Variants in ZNF254 observed in about 807,000 individuals in gnomAD.
ZNF254 encodes zinc finger protein 254.
A neutral mutation model predicts 12.4 loss-of-function variants in ZNF254; 10 were observed. That is an observed-to-expected ratio of 0.80 (90% CI 0.50 to 1.36). ZNF254 has a LOEUF of 1.36. Ranked by LOEUF, ZNF254 falls within the 40% of genes most tolerant of loss-of-function variation. ZNF254 has a pLI of 0.00. For synonymous variants in ZNF254, 305 were observed against 253.4 expected (o/e 1.20, Z -1.93); for missense variants, 996 against 763.9 (o/e 1.30, Z -3.58).
chr19:24,055,960 T>A, intron 2 of ZNF254, among the ~76,000 whole-genome samples: 1 of 152,190 alleles, frequency 6.6e-6, no homozygotes. Flanking sequence ...CAGGTTTAAT[T>A]GTAACATTTT....
chr19:24,069,737 G>A (rs776236264), intron 2 of ZNF254, among the ~76,000 whole-genome samples: 1 of 152,000 alleles, frequency 6.6e-6, no homozygotes, highest in African/African-American at 2.4e-5. Context: ...CGGATCACAA[G>A]GTTAGGAGAT....
chr19:24,124,022 T>G (rs1302477764), intron 3 of ZNF254, among the ~76,000 whole-genome samples: 7 of 152,078 alleles, frequency 4.6e-5, no homozygotes, highest in Non-Finnish European at 8.8e-5. Flanking sequence ...TGTTATTTTA[T>G]TAAGTATTTT....
intron 2 of ZNF254, among the ~76,000 whole-genome samples, chr19:24,058,768 C>T (rs1455127713): frequency 6.6e-6 from 1 of 152,136 alleles, no homozygotes; most frequent in Non-Finnish European, 1.5e-5. Flanking sequence ...TAAAATATTG[C>T]TGCCATCACC....
At chr19:24,040,554 C>G (rs1472102610) in intron 1 of ZNF254, among the ~76,000 whole-genome samples, 1 of 152,128 alleles carries the variant, frequency 6.6e-6, no homozygotes, top group Non-Finnish European at 1.5e-5. Context: ...GATAGGGAAA[C>G]CAGAAGAAAT....
At chr19:24,060,497 TGG>T (rs1161877107) in intron 2 of ZNF254, among the ~76,000 whole-genome samples, 1 of 152,214 alleles carries the variant, frequency 6.6e-6, no homozygotes, top group Non-Finnish European at 1.5e-5. Context: ...ACATATCTCT[TGG>T]CCCATCAACT....
At chr19:24,116,429 G>C (rs143767157) in intron 3 of ZNF254, among the ~76,000 whole-genome samples, 1 of 151,504 alleles carries the variant, frequency 6.6e-6, no homozygotes, top group African/African-American at 2.4e-5. Flanking sequence ...TTCCCTTCTC[G>C]CTTCATTTCA....
chr19:24,076,770 T>C (rs1260374016), intron 2 of ZNF254, among the ~76,000 whole-genome samples: 5 of 152,214 alleles, frequency 3.3e-5, no homozygotes. Context: ...CATTGTTTTA[T>C]TCTGTCAAGT....
intron 1 of ZNF254, among the ~76,000 whole-genome samples, chr19:24,035,342 T>A (rs996319025): frequency 2.0e-5 from 3 of 152,146 alleles, no homozygotes; most frequent in African/African-American, 7.2e-5. Flanking sequence ...TTTGTATTTT[T>A]AGTATAGGCG....
intron 3 of ZNF254, among the ~76,000 whole-genome samples, chr19:24,123,625 C>CAT (rs1422049313): frequency 2.0e-5 from 3 of 152,022 alleles, no homozygotes; most frequent in Non-Finnish European, 4.4e-5. Context: ...TGCACAAACA[C>CAT]ATACACACAC....
At chr19:24,077,375 A>G (rs749578603) in intron 2 of ZNF254, among the ~76,000 whole-genome samples, 23 of 152,214 alleles carry the variant, frequency 1.5e-4, no homozygotes, top group Non-Finnish European at 2.5e-4. Flanking sequence ...TAAACTTTCC[A>G]AATTTATTGA....
chr19:24,049,270 A>G (rs1378529951), intron 2 of ZNF254: 2 of 135,760 alleles, frequency 1.5e-5, no homozygotes, highest in Non-Finnish European at 3.0e-5. Context: ...TTGTCTCACC[A>G]TGTGGCCCCC....
chr19:24,053,837 G>A (rs889624310), intron 2 of ZNF254, among the ~76,000 whole-genome samples: 1 of 151,880 alleles, frequency 6.6e-6, no homozygotes, highest in African/African-American at 2.4e-5. Flanking sequence ...GAGGATTGCG[G>A]CATATCACTG....
intron 3 of ZNF254, among the ~76,000 whole-genome samples, chr19:24,111,302 A>G (rs1409100049): frequency 6.6e-6 from 1 of 152,164 alleles, no homozygotes; most frequent in Non-Finnish European, 1.5e-5. Flanking sequence ...TGATGGCTGC[A>G]TAGTATTCCA....
intron 2 of ZNF254, among the ~76,000 whole-genome samples, chr19:24,070,305 A>G (rs1168828540): frequency 5.3e-5 from 8 of 152,230 alleles, no homozygotes; most frequent in Admixed American, 1.3e-4. Flanking sequence ...TACATGGCCC[A>G]GCACACAGGT....
rs1555753129 is a variant in ZNF254 at position 24,055,232 on chromosome 19, A to AAAAAAAAAAG, written c.-94+8953_-94+8954insAAAAAAAAAG. ...AAAAAAAAAAAAAAAAAAAAAAAAA[A>AAAAAAAAAAG]GAGTGTACTAACAAGACCCAGCACA... On this transcript the variant is annotated intron_variant, in intron 2 of 4. Transcript: ENST00000613065. Among the ~76,000 whole-genome samples the AAAAAAAAAAG allele has an allele frequency of 6.1e-4, 75 of 122,626 alleles. 2 individuals carry two copies. Among genetic ancestry groups the AAAAAAAAAAG allele is most frequent in the Middle Eastern group, 5.6e-3 (1 of 178 alleles). 80.4% of individuals were successfully genotyped at this position (122,626 alleles called of 152,430 possible). A position where few individuals can be genotyped will look rare whatever the true frequency, so the allele number is the denominator to read the frequency against.
upstream of ZNF254, among the ~76,000 whole-genome samples, chr19:24,085,408 G>GTATATATATATATATATA (rs377541868): frequency 8.4e-3 from 273 of 32,682 alleles, 30 homozygotes; most frequent in East Asian, 0.046. Flanking sequence ...TTTGTTAAGG[G>GTATATATATATATATATA]TATATATATA....
At chr19:24,058,075 G>T (rs901527998) in intron 2 of ZNF254, among the ~76,000 whole-genome samples, 1 of 152,174 alleles carries the variant, frequency 6.6e-6, no homozygotes, top group African/African-American at 2.4e-5. Context: ...ACTCAAAAAA[G>T]ACATTAACAT....
intron 2 of ZNF254, chr19:24,067,041 TTA>T (rs1197048691): frequency 6.6e-6 from 1 of 152,232 alleles, no homozygotes; most frequent in Non-Finnish European, 1.5e-5. Context: ...TTTTTTTCTT[TTA>T]TTTCTTAGTT....
intron 3 of ZNF254, among the ~76,000 whole-genome samples, chr19:24,117,236 A>C (rs1390592380): frequency 6.6e-6 from 1 of 152,110 alleles, no homozygotes. Context: ...GCTGTCAGAC[A>C]GGGATATTTA....
Sources: allele counts gnomAD v4.1 joint callset (sites outside exome capture counted in the v4.1 genomes callset), GRCh38; gene constraint gnomAD v4.1.1; transcripts MANE v1.5; gene names NCBI Gene and HGNC (gene_info 2026-07-23, HGNC 2026-07-21).